The following CD80 variants were observed in gnomAD, a reference collection of about 807,000 sequenced individuals.
CD80 encodes the protein T-lymphocyte activation antigen CD80.
CD80 carries 13 observed loss-of-function variants against 27.1 expected under a neutral mutation model. The ratio of observed to expected loss-of-function variants is 0.48; its 90% confidence interval spans 0.31 to 0.76. The LOEUF (loss-of-function observed/expected upper bound fraction) is 0.76. Ranked by LOEUF, CD80 falls within the 30% of genes least tolerant of loss-of-function variation. CD80 has a pLI of 0.04. For synonymous variants in CD80, 125 were observed against 125.5 expected, an observed-to-expected ratio of 1.00 and a Z score of 0.03; for missense variants, 277 against 347.9, an observed-to-expected ratio of 0.80 and a Z score of 1.62.
chr3:119,543,445 CCCT>C (rs369915663), intron 3 of CD80, among the ~76,000 whole-genome samples: 14 of 151,248 alleles, frequency 9.3e-5, no homozygotes, highest in African/African-American at 3.4e-4. Context: ...GAAATGCTCA[CCCT>C]CCTCTGTAGT....
intron 4 of CD80, among the ~76,000 whole-genome samples, chr3:119,533,748 T>C (rs2082121928): frequency 6.6e-6 from 1 of 152,172 alleles, no homozygotes; most frequent in African/African-American, 2.4e-5. Flanking sequence ...TTAAACCTCT[T>C]TATTTTGTAA....
At chr3:119,544,288 AG>A (rs2082187972) in intron 3 of CD80, 1 of 472,812 alleles carries the variant, frequency 2.1e-6, no homozygotes. Context: ...GGTGATTGAG[AG>A]GCTCTTTAGG....
At chr3:119,546,456 G>A (rs1297671962) in intron 2 of CD80, among the ~76,000 whole-genome samples, 2 of 152,156 alleles carry the variant, frequency 1.3e-5, no homozygotes, top group East Asian at 1.9e-4. Context: ...AGACAACTGA[G>A]AGATTGAGAG....
At chr3:119,543,509 T>C (rs536545662) in intron 3 of CD80, among the ~76,000 whole-genome samples, 2 of 151,344 alleles carry the variant, frequency 1.3e-5, no homozygotes, top group South Asian at 4.2e-4. Context: ...AAGGCTGGAG[T>C]GCAGTGGCAC....
At chr3:119,533,280 T>C (rs2082119369) in intron 4 of CD80, among the ~76,000 whole-genome samples, 1 of 152,224 alleles carries the variant, frequency 6.6e-6, no homozygotes, top group South Asian at 2.1e-4. Context: ...TCTGCACATG[T>C]AGCTTATTAG....
In CD80 at chr3:119,550,238, A is replaced by C. The variant is rs568948636; in HGVS notation, c.101-5371T>G. On this transcript the variant is annotated intron_variant, in intron 2 of 6. Coordinates refer to ENST00000264246, the MANE Select transcript of CD80 (RefSeq NM_005191.4). ...ACTCACTTGTCTGGGCCTCCCAATA[A>C]TAGGGTCTTTCCCCACCGAACTATT... Among the ~76,000 whole-genome samples, 10 of 152,264 alleles carry C rather than the reference A, an allele frequency of 6.6e-5. No homozygotes were observed. The South Asian group carries it at 1.9e-3, about 28-fold the overall frequency.
At chr3:119,544,906 A>G in intron 2 of CD80, 39 bp from the exon 3 acceptor site, 1 of 1,539,812 alleles carries the variant, frequency 6.5e-7, no homozygotes, top group Non-Finnish European at 8.9e-7. Flanking sequence ...TATATTTATT[A>G]AATACAGATT....
intron 2 of CD80, among the ~76,000 whole-genome samples, chr3:119,552,513 C>CAAAA (rs11369803): frequency 6.4e-4 from 20 of 31,302 alleles, no homozygotes; most frequent in Admixed American, 1.5e-3. Flanking sequence ...GACTCTGTCT[C>CAAAA]AAAAAAAAAA....
chr3:119,530,743 C>A (rs1560053354), intron 4 of CD80, among the ~76,000 whole-genome samples: 1 of 152,184 alleles, frequency 6.6e-6, no homozygotes, highest in Non-Finnish European at 1.5e-5. Flanking sequence ...GGCAGGGACA[C>A]AAATTATAGC....
rs762839885 is a variant in CD80 at position 119,537,155 on chromosome 3, T to A, written c.682A>T (p.Thr228Ser). Residue 228 changes from threonine to serine, a missense_variant, in exon 4 of 7, where the codon ACC (threonine) becomes TCC (serine). Coordinates refer to ENST00000264246, the MANE Select transcript of CD80 (RefSeq NM_005191.4). ...IKYGHLRVNQ[T>S]FNWNTTKQEH... ...CACTTACTTGTATTCCAGTTGAAGG[T>A]CTGATTCACTCTTAAATGTCCATAC... 1 of 1,613,460 alleles carries A rather than the reference T, an allele frequency of 6.2e-7. No individual in the cohort carries two copies. The highest frequency in any genetic ancestry group is 1.7e-5 in the Admixed American group (1 of 60,022).
At chr3:119,537,061 A>T in intron 4 of CD80, 76 bp downstream of exon 4, 4 of 1,268,652 alleles carry the variant, frequency 3.2e-6, no homozygotes, top group Non-Finnish European at 4.5e-6. Flanking sequence ...AAATGTATCC[A>T]CATCATTAAA....
intron 5 of CD80, among the ~76,000 whole-genome samples, chr3:119,529,485 G>T (rs2107739390): frequency 6.6e-6 from 1 of 152,246 alleles, no homozygotes; most frequent in South Asian, 2.1e-4. Context: ...AAAAAAATTA[G>T]AATATCATTT....
Position 119,529,886 on chromosome 3 carries a change from A to G in CD80, c.752T>C (p.Leu251Ser), listed in dbSNP as rs772376317. ...CACAAAAATTCCATTTACTGAGATT[A>G]AGGTAATGGCCCAGGATGGGAGCAG... ...DNLLPSWAIT[L>S]ISVNGIFVIC... The change falls in exon 5 of 7, where the codon TTA becomes TCA. Residue 251 changes from leucine (L) to serine (S), a missense_variant. By Grantham distance (145) the Leu-to-Ser change is moderately radical (BLOSUM62 -2). Coordinates refer to ENST00000264246, the MANE Select transcript of CD80 (RefSeq NM_005191.4). 1 of 1,613,846 alleles carries G rather than the reference A, an allele frequency of 6.2e-7. No individual in the cohort carries two copies. The highest frequency in any genetic ancestry group is 8.5e-7 in the Non-Finnish European group (1 of 1,179,704).
intron 4 of CD80, among the ~76,000 whole-genome samples, chr3:119,530,646 C>T (rs1577106835): frequency 6.6e-6 from 1 of 152,020 alleles, no homozygotes; most frequent in African/African-American, 2.4e-5. Context: ...TATGGTGCTG[C>T]GGGTCCATCC....
chr3:119,526,704 G>A (rs145327292), intron 6 of CD80, among the ~76,000 whole-genome samples: 6 of 152,324 alleles, frequency 3.9e-5, no homozygotes, highest in Non-Finnish European at 8.8e-5. Context: ...AGATGAAATA[G>A]TGTTTTTGCA....
In CD80 at chr3:119,544,593, A is replaced by G; in HGVS notation, c.375T>C (p.Ala125=). The G allele has an allele frequency of 6.2e-7, 1 of 1,614,128 alleles. No individual in the cohort carries two copies. The highest frequency in any genetic ancestry group is 8.5e-7 in the Non-Finnish European group (1 of 1,179,990). The change falls in exon 3 of 7, where the codon GCT becomes GCC. Residue 125 remains alanine (A), a synonymous_variant. Coordinates refer to ENST00000264246, the MANE Select transcript of CD80 (RefSeq NM_005191.4). ...ECVVLKYEKD[A]FKREHLAEVT... is the part of the protein sequence containing the mutation. Reference sequence around the variant, plus strand: ...CTTCAGCCAGGTGTTCCCGCTTGAAAGCGTCTTTTTCATACTTCAGAACAA... The same window carrying G: ...CTTCAGCCAGGTGTTCCCGCTTGAAGGCGTCTTTTTCATACTTCAGAACAA...
intron 2 of CD80, among the ~76,000 whole-genome samples, chr3:119,548,277 TAGCATGATGAGAC>T (rs2082211974): frequency 1.3e-5 from 2 of 152,258 alleles, no homozygotes; most frequent in South Asian, 2.1e-4. Context: ...CCACCACGCC[TAGCATGATGAGAC>T]ATCGTGAGCA....
chr3:119,533,549 C>T (rs199893379), intron 4 of CD80, among the ~76,000 whole-genome samples: 12 of 151,872 alleles, frequency 7.9e-5, no homozygotes, highest in Admixed American at 4.6e-4. Flanking sequence ...ATTATGGGGG[C>T]GAGTCTTTCC....
At chr3:119,543,952 AATC>A (rs2107744664) in intron 3 of CD80, among the ~76,000 whole-genome samples, 1 of 144,730 alleles carries the variant, frequency 6.9e-6, no homozygotes, top group African/African-American at 2.6e-5. Context: ...GCAGTGGTGC[AATC>A]TCAGCTCATT....
Sources: gnomAD v4.1 joint callset for allele counts (sites outside exome capture counted in the v4.1 genomes callset) on GRCh38, gnomAD v4.1.1 for gene constraint, MANE v1.5 for transcripts, NCBI Gene and HGNC (gene_info 2026-07-23, HGNC 2026-07-21) for gene names.